Variants in UGT1A4 observed in about 807,000 individuals in gnomAD.
The protein encoded by UGT1A4 is UDP glucuronosyltransferase family 1 member A4, also known as UDP-glucuronosyltransferase 1A4.
In UGT1A4, 32 loss-of-function variants were observed where a neutral mutation model predicts 41.1. The observed-to-expected ratio is 0.78, with a 90% CI of 0.59 to 1.05. The LOEUF (loss-of-function observed/expected upper bound fraction) is 1.05, where lower values mean the gene tolerates loss of function less well. UGT1A4 is among the 50% of genes least tolerant of loss of function. The pLI, the probability that UGT1A4 is intolerant of heterozygous loss-of-function variation, is 0.00. For missense variants in UGT1A4, 748 were observed against 677.4 expected (o/e 1.10, Z -1.16); for synonymous variants, 283 against 265.1 (o/e 1.07, Z -0.66).
chr2:233,724,527 T>C (rs2077276576), intron 1 of UGT1A4, among the ~76,000 whole-genome samples: 1 of 105,076 alleles, frequency 9.5e-6, no homozygotes, highest in Non-Finnish European at 1.9e-5. Flanking sequence ...AGATGGGGTC[T>C]CGCCGGGCAG....
At chr2:233,756,950 A>C (rs1419831234) in intron 1 of UGT1A4, among the ~76,000 whole-genome samples, 3 of 152,034 alleles carry the variant, frequency 2.0e-5, no homozygotes, top group Admixed American at 2.0e-4. Flanking sequence ...TGAAACCCGG[A>C]CTTGGCACTT....
intron 1 of UGT1A4, chr2:233,729,486 G>C: frequency 6.2e-7 from 1 of 1,614,202 alleles, no homozygotes; most frequent in Non-Finnish European, 8.5e-7. Context: ...TGAACAATAT[G>C]TCTTTGGTCT....
In UGT1A4 at chr2:233,772,937, T is replaced by C; in HGVS notation, c.*378T>C. 1 of 341,386 alleles carries C rather than the reference T, an allele frequency of 2.9e-6. No homozygotes were observed. The highest frequency in any genetic ancestry group is 5.4e-6 in the Non-Finnish European group (1 of 186,324). 21.1% of individuals were successfully genotyped at this position (341,386 alleles called of 1,614,324 possible). A position where few individuals can be genotyped will look rare whatever the true frequency, so the allele number is the denominator to read the frequency against. ...CAAATGGCAGTTTTAATCTTATCTT[T>C]TGGCTTCTGCAGATGGTTGCAATTG... On this transcript the variant is annotated 3_prime_UTR_variant, in exon 5 of 5. Coordinates refer to ENST00000373409, the MANE Select transcript of UGT1A4 (RefSeq NM_007120.3).
chr2:233,737,246 C>T (rs535872842), intron 1 of UGT1A4, among the ~76,000 whole-genome samples: 57 of 152,356 alleles, frequency 3.7e-4, no homozygotes, highest in African/African-American at 1.3e-3. Flanking sequence ...TGTTTACCTA[C>T]TCAAGCCTCA....
Position 233,739,281 on chromosome 2 carries a change from G to C in UGT1A4, c.867+19594G>C, listed in dbSNP as rs576910081. Among the ~76,000 whole-genome samples the C allele has an allele frequency of 5.3e-5, 8 of 152,344 alleles. 1 individual carries two copies. The South Asian group carries it at 1.7e-3, about 32-fold the overall frequency. On this transcript the variant is annotated intron_variant, in intron 1 of 4. Transcript: ENST00000373409. ...AATGTGAGGTTGGAGCCCCCACACA[G>C]AGTCTCCACTGGGGCACTGCCTAGT...
intron 1 of UGT1A4, 103 bp downstream of exon 1, chr2:233,719,790 T>C (rs189931898): frequency 6.2e-7 from 1 of 1,608,848 alleles, no homozygotes; most frequent in East Asian, 2.2e-5. Flanking sequence ...TTTCCAAAGA[T>C]TTTATTTTGG....
intron 1 of UGT1A4, among the ~76,000 whole-genome samples, chr2:233,766,371 C>T (rs997095711): frequency 1.3e-5 from 2 of 152,154 alleles, no homozygotes; most frequent in Non-Finnish European, 2.9e-5. Context: ...TTGGTGAGTT[C>T]TTCTCAATGT....
In UGT1A4 at chr2:233,772,933, T is replaced by C. The variant is rs1700557835; in HGVS notation, c.*374T>C. On this transcript the variant is annotated 3_prime_UTR_variant, in exon 5 of 5. Coordinates refer to ENST00000373409, the MANE Select transcript of UGT1A4 (RefSeq NM_007120.3). ...ACTGCAAATGGCAGTTTTAATCTTA[T>C]CTTTTGGCTTCTGCAGATGGTTGCA... is the stretch of plus-strand genomic sequence containing the variant. 2 of 341,712 alleles carry C rather than the reference T, an allele frequency of 5.9e-6. No homozygotes were observed. Among genetic ancestry groups the C allele is most frequent in the East Asian group, 7.7e-5 (1 of 13,004 alleles). The allele number at this position is 341,712 out of a possible 1,614,324, so 21.2% of individuals were successfully genotyped here.
chr2:233,729,648 G>A lies in UGT1A4; in HGVS notation c.867+9961G>A, dbSNP rs777442066. 3.1e-6 allele frequency: 5 copies of A among 1,613,800 alleles called. No homozygotes were observed. In the South Asian group the frequency reaches 5.5e-5, roughly 18 times the overall value. On this transcript the variant is annotated intron_variant, in intron 1 of 4. Coordinates refer to ENST00000373409, the MANE Select transcript of UGT1A4 (RefSeq NM_007120.3). ...CGATTCCTACTGTGTTTTTTTTGAG[G>A]AACATTCCATGTGATTTAGACTTTA... is the stretch of plus-strand genomic sequence containing the variant.
intron 1 of UGT1A4, among the ~76,000 whole-genome samples, chr2:233,736,444 A>G (rs1261930355): frequency 1.3e-5 from 2 of 152,138 alleles, no homozygotes; most frequent in Non-Finnish European, 2.9e-5. Flanking sequence ...CTTCCTTGCA[A>G]TAGGTTCGAA....
intron 1 of UGT1A4, chr2:233,743,523 T>A (rs1440722806): frequency 7.3e-7 from 1 of 1,367,212 alleles, no homozygotes; most frequent in Non-Finnish European, 9.8e-7. Context: ...TGCTTCTGCT[T>A]CCCCAGCAGT....
chr2:233,732,773 C>CTTTT (rs2078315229), intron 1 of UGT1A4, among the ~76,000 whole-genome samples: 1 of 103,190 alleles, frequency 9.7e-6, no homozygotes, highest in Admixed American at 1.1e-4. Flanking sequence ...TTTTTTTTTG[C>CTTTT]TTAGGATTGT....
chr2:233,751,669 T>C (rs923739098), intron 1 of UGT1A4, among the ~76,000 whole-genome samples: 3 of 152,228 alleles, frequency 2.0e-5, no homozygotes, highest in African/African-American at 7.2e-5. Flanking sequence ...GAGTGAGTTC[T>C]AATGAGAGCT....
chr2:233,743,824 G>T, intron 1 of UGT1A4: 1 of 1,367,262 alleles, frequency 7.3e-7, no homozygotes, highest in Non-Finnish European at 9.8e-7. Flanking sequence ...TTTTGTCGGG[G>T]TGCCACTTGA....
chr2:233,743,502 T>C (rs1233244952), intron 1 of UGT1A4: 12 of 1,366,994 alleles, frequency 8.8e-6, no homozygotes, highest in African/African-American at 1.5e-5. Context: ...AGAAAAGGGG[T>C]GCAGACGCTC....
At chr2:233,768,037 T>C (rs1699552537) in intron 3 of UGT1A4, 101 bp downstream of exon 3, 3 of 1,611,640 alleles carry the variant, frequency 1.9e-6, no homozygotes, top group Non-Finnish European at 2.5e-6. Context: ...GAAAATATTA[T>C]GGCCAACATA....
chr2:233,729,493 G>A, intron 1 of UGT1A4: 5 of 1,614,180 alleles, frequency 3.1e-6, no homozygotes, highest in Non-Finnish European at 4.2e-6. Context: ...TATGTCTTTG[G>A]TCTATCATAG....
At chr2:233,760,928 T>C (rs1276169722) in intron 1 of UGT1A4, 2 of 1,614,184 alleles carry the variant, frequency 1.2e-6, no homozygotes, top group Non-Finnish European at 1.7e-6. Context: ...AAGAACATGC[T>C]CATTGCCTTT....
intron 1 of UGT1A4, chr2:233,754,946 G>C (rs770244493): frequency 2.0e-5 from 27 of 1,327,582 alleles, no homozygotes; most frequent in Non-Finnish European, 2.6e-5. Context: ...AGGAGAATGG[G>C]TCCCGGCCGC....
Sources: gnomAD v4.1 joint callset for allele counts (sites outside exome capture counted in the v4.1 genomes callset) on GRCh38, gnomAD v4.1.1 for gene constraint, MANE v1.5 for transcripts, NCBI Gene and HGNC (gene_info 2026-07-23, HGNC 2026-07-21) for gene names.